The following DPP10 variants were observed in gnomAD, a reference collection of about 807,000 sequenced individuals.
The protein encoded by DPP10 is inactive dipeptidyl peptidase 10.
A neutral mutation model predicts 120.9 loss-of-function variants in DPP10; 33 were observed. The ratio of observed to expected loss-of-function variants is 0.27; its 90% CI spans 0.21 to 0.37. The LOEUF is 0.37. Among genes scored for constraint, DPP10 ranks in the 10% least tolerant of loss-of-function variants. The probability of loss-of-function intolerance (pLI) is 1.00; values close to 1 mark genes in which losing one functional copy is unlikely to be tolerated. For synonymous variants in DPP10, 337 were observed against 326.1 expected (o/e 1.03, Z -0.36); for missense variants, 816 against 942.8 (o/e 0.87, Z 1.76).
intron 1 of DPP10, among the ~76,000 whole-genome samples, chr2:114,643,931 A>T (rs1248591835): frequency 7.7e-6 from 1 of 129,394 alleles, no homozygotes; most frequent in African/African-American, 3.2e-5. Flanking sequence ...ATATATATAT[A>T]TATATTTTTT....
intron 1 of DPP10, among the ~76,000 whole-genome samples, chr2:115,104,650 T>C (rs1262603043): frequency 6.6e-6 from 1 of 152,138 alleles, no homozygotes; most frequent in Non-Finnish European, 1.5e-5. Context: ...CAATATAACA[T>C]CAAAAGTACC....
intron 1 of DPP10, among the ~76,000 whole-genome samples, chr2:115,085,016 G>A (rs995907947): frequency 5.3e-5 from 8 of 152,190 alleles, no homozygotes; most frequent in Admixed American, 5.2e-4. Flanking sequence ...ATTTAAGTCT[G>A]GGAAGAGCAC....
intron 1 of DPP10, among the ~76,000 whole-genome samples, chr2:114,517,974 T>C (rs1684740674): frequency 6.6e-6 from 1 of 152,154 alleles, no homozygotes; most frequent in African/African-American, 2.4e-5. Flanking sequence ...ATTTCATTTG[T>C]AGAGTCTTCC....
intron 1 of DPP10, among the ~76,000 whole-genome samples, chr2:114,520,274 A>C (rs2104649810): frequency 6.6e-6 from 1 of 152,328 alleles, no homozygotes; most frequent in East Asian, 1.9e-4. Context: ...TATTTAGGCC[A>C]ACACACATCA....
At chr2:114,740,006 G>A (rs1048668238) in intron 1 of DPP10, among the ~76,000 whole-genome samples, 2 of 151,820 alleles carry the variant, frequency 1.3e-5, no homozygotes, top group African/African-American at 4.8e-5. Context: ...CCCATTACTA[G>A]GTATATACCC....
intron 3 of DPP10, among the ~76,000 whole-genome samples, chr2:115,398,130 A>G (rs1311487329): frequency 1.3e-5 from 2 of 151,874 alleles, no homozygotes; most frequent in Non-Finnish European, 2.9e-5. Context: ...CATGGTTTAG[A>G]GGTGTTTTTA....
intron 7 of DPP10, among the ~76,000 whole-genome samples, chr2:115,694,819 G>A (rs1050665958): frequency 2.0e-5 from 3 of 152,274 alleles, no homozygotes; most frequent in Admixed American, 6.5e-5. Context: ...ACCTATCTTC[G>A]ACCCCAGCCC....
At chr2:115,841,490 T>A (rs1287711862) in intron 25 of DPP10, among the ~76,000 whole-genome samples, 2 of 152,106 alleles carry the variant, frequency 1.3e-5, no homozygotes, top group Non-Finnish European at 2.9e-5. Flanking sequence ...TTCTCAGCAT[T>A]CAGAAGAACC....
chr2:115,698,473 T>C (rs1559044694), intron 7 of DPP10, among the ~76,000 whole-genome samples: 1 of 152,166 alleles, frequency 6.6e-6, no homozygotes, highest in Non-Finnish European at 1.5e-5. Flanking sequence ...TTGTTGGAGA[T>C]AAAAGTTTTA....
At chr2:115,736,715 T>C (rs1227040685) in intron 8 of DPP10, among the ~76,000 whole-genome samples, 1 of 152,174 alleles carries the variant, frequency 6.6e-6, no homozygotes, top group Admixed American at 6.5e-5. Context: ...TGCCATCAGC[T>C]CTTCCCCTGA....
At position 115,178,800 on chromosome 2, in the gene DPP10, CT is replaced by C. The variant is rs200426495; in HGVS notation, c.61-130437del. Among the ~76,000 whole-genome samples, 596 of 152,236 alleles carry C rather than the reference CT, an allele frequency of 3.9e-3. 7 individuals are homozygous for C. The highest frequency in any genetic ancestry group is 0.014 in the African/African-American group (572 of 41,532). On this transcript the variant is annotated intron_variant, in intron 1 of 25. Coordinates refer to ENST00000410059, the MANE Select transcript of DPP10 (RefSeq NM_020868.6). ...ATTTATTTATATACATGCTTTCCAA[CT>C]TAGGATGAGGTTAGGTCCTGACATA...
chr2:114,728,341 A>G (rs1676550501), intron 1 of DPP10, among the ~76,000 whole-genome samples: 1 of 152,158 alleles, frequency 6.6e-6, no homozygotes, highest in South Asian at 2.1e-4. Context: ...AAGGGCTCCA[A>G]GATTTTGGAG....
At chr2:115,022,778 G>T (rs1259575703) in intron 1 of DPP10, among the ~76,000 whole-genome samples, 1 of 152,064 alleles carries the variant, frequency 6.6e-6, no homozygotes, top group Non-Finnish European at 1.5e-5. Context: ...CATCAAAACA[G>T]CATGGTACTT....
At position 115,518,803 on chromosome 2, in the gene DPP10, G is replaced by C. The variant is rs191896568; in HGVS notation, c.367-7095G>C. Among the ~76,000 whole-genome samples the C allele has an allele frequency of 2.0e-3, 310 of 152,168 alleles. 4 individuals carry two copies. The highest frequency in any genetic ancestry group is 7.1e-3 in the African/African-American group (296 of 41,528). On this transcript the variant is annotated intron_variant, in intron 4 of 25. Transcript: ENST00000410059. The stretch of plus-strand genomic sequence containing the variant: ...TGTTACACACATTGTATAAGGCCAT[G>C]GTGAGGAAAACTCATACCGAAATTC...
At chr2:114,480,882 C>CA (rs1680976517) in intron 1 of DPP10, among the ~76,000 whole-genome samples, 1 of 149,166 alleles carries the variant, frequency 6.7e-6, no homozygotes, top group East Asian at 1.9e-4. Context: ...GTACACCCCC[C>CA]AAAAAACAAA....
At chr2:114,708,566 G>T (rs1700825568) in intron 1 of DPP10, among the ~76,000 whole-genome samples, 1 of 152,120 alleles carries the variant, frequency 6.6e-6, no homozygotes, top group African/African-American at 2.4e-5. Context: ...GGTCTGGAAG[G>T]AGACAGTGCT....
At chr2:115,693,684 G>T (rs1440691365) in intron 7 of DPP10, among the ~76,000 whole-genome samples, 1 of 151,800 alleles carries the variant, frequency 6.6e-6, no homozygotes, top group Non-Finnish European at 1.5e-5. Flanking sequence ...ATATATTTAA[G>T]AAAATTATGA....
At chr2:115,732,873 G>A (rs979182757) in intron 8 of DPP10, among the ~76,000 whole-genome samples, 1 of 152,120 alleles carries the variant, frequency 6.6e-6, no homozygotes, top group South Asian at 2.1e-4. Context: ...TTATCTAAGA[G>A]CAATACGATG....
intron 12 of DPP10, among the ~76,000 whole-genome samples, chr2:115,765,904 C>T (rs934514233): frequency 3.9e-5 from 6 of 152,030 alleles, no homozygotes; most frequent in African/African-American, 1.5e-4. Flanking sequence ...CTTATATTTT[C>T]ATGAATGTTC....
Sources: allele counts gnomAD v4.1 joint callset (sites outside exome capture counted in the v4.1 genomes callset), GRCh38; gene constraint gnomAD v4.1.1; transcripts MANE v1.5; gene names NCBI Gene and HGNC (gene_info 2026-07-23, HGNC 2026-07-21).